The following DACH1 variants were observed in gnomAD, a reference collection of about 807,000 sequenced individuals.
DACH1 encodes dachshund homolog 1.
DACH1 carries 12 observed loss-of-function variants against 54.2 expected under a neutral mutation model. The ratio of observed to expected loss-of-function variants is 0.22; its 90% CI spans 0.14 to 0.36. The LOEUF (loss-of-function observed/expected upper bound fraction) is 0.36, where lower values mean the gene tolerates loss of function less well. Among genes scored for constraint, DACH1 ranks in the 10% least tolerant of loss-of-function variants. DACH1 has a pLI of 1.00. For synonymous variants in DACH1, 386 were observed against 366.2 expected (o/e 1.05, Z -0.62); for missense variants, 805 against 929.8 (o/e 0.87, Z 1.75).
At chr13:71,863,102 G>C (rs936115449) in intron 1 of DACH1, among the ~76,000 whole-genome samples, 1 of 152,012 alleles carries the variant, frequency 6.6e-6, no homozygotes, top group Non-Finnish European at 1.5e-5. Flanking sequence ...ATATAAACTT[G>C]ACTTGAATGA....
chr13:71,442,246 A>G (rs1418752417), intron 10 of DACH1, among the ~76,000 whole-genome samples: 3 of 152,032 alleles, frequency 2.0e-5, no homozygotes, highest in African/African-American at 7.2e-5. Context: ...CACAAATTTA[A>G]TGGTTTTAAT....
At chr13:71,448,142 A>T (rs1593708127) in intron 10 of DACH1, among the ~76,000 whole-genome samples, 1 of 152,160 alleles carries the variant, frequency 6.6e-6, no homozygotes, top group East Asian at 1.9e-4. Flanking sequence ...ATATCCAGGC[A>T]CCTGTAATCT....
chr13:71,453,036 G>A (rs1432900079), intron 10 of DACH1, among the ~76,000 whole-genome samples: 1 of 152,158 alleles, frequency 6.6e-6, no homozygotes. Context: ...GTATTTTTGT[G>A]TGTGTCTTCT....
At chr13:71,844,942 A>T (rs1394877545) in intron 1 of DACH1, among the ~76,000 whole-genome samples, 1 of 152,152 alleles carries the variant, frequency 6.6e-6, no homozygotes, top group Admixed American at 6.5e-5. Flanking sequence ...AGAACAGTGG[A>T]TACTAAAGGC....
chr13:71,816,114 C>G (rs1400871868), intron 1 of DACH1, among the ~76,000 whole-genome samples: 2 of 151,970 alleles, frequency 1.3e-5, no homozygotes, highest in Non-Finnish European at 2.9e-5. Context: ...ATAAAATAAG[C>G]TCAGATTAAC....
chr13:71,557,767 T>C (rs777426114), intron 5 of DACH1, among the ~76,000 whole-genome samples: 5 of 142,054 alleles, frequency 3.5e-5, no homozygotes, highest in African/African-American at 5.3e-5. Context: ...CAAACATCCA[T>C]AACCTAAGAC....
In DACH1 at chr13:71,506,212, T is replaced by C. The variant is rs541738155; in HGVS notation, c.1571-17064A>G. On this transcript the variant is annotated intron_variant, in intron 6 of 10. Coordinates refer to ENST00000613252, the MANE Select transcript of DACH1 (RefSeq NM_080759.6). ...CAGGTTAGTTACATATGTATACATG[T>C]GCCATGCTGGTGTGCTGAACCCACT... Among the ~76,000 whole-genome samples, 11 of 151,656 alleles carry C rather than the reference T, an allele frequency of 7.3e-5. No individual in the cohort carries two copies. The East Asian group carries it at 2.2e-3, about 30-fold the overall frequency.
At chr13:71,816,944 G>T (rs2138170029) in intron 1 of DACH1, among the ~76,000 whole-genome samples, 1 of 152,078 alleles carries the variant, frequency 6.6e-6, no homozygotes, top group Non-Finnish European at 1.5e-5. Context: ...GGATCAGGAA[G>T]AACAACTAAT....
chr13:71,785,804 T>A (rs1886567918), intron 1 of DACH1, among the ~76,000 whole-genome samples: 1 of 152,334 alleles, frequency 6.6e-6, no homozygotes, highest in Middle Eastern at 3.4e-3. Context: ...AACATGTTTT[T>A]CTCTCTTGCT....
In DACH1 at chr13:71,866,676, AGGT is replaced by A; in HGVS notation, c.91_93del (p.Thr31del). On this transcript the variant is annotated inframe_deletion, in exon 1 of 11. Transcript: ENST00000613252. ...GGAGACGAAGTCGCCGAAGAGGTGG[AGGT>A]GGTGGTGCCAGAGGAGGAAGCAGAC... 2 of 1,453,390 alleles carry A rather than the reference AGGT, an allele frequency of 1.4e-6. No homozygotes were observed. The highest frequency in any genetic ancestry group is 2.7e-5 in the East Asian group (1 of 37,086). The allele number at this position is 1,453,390 out of a possible 1,614,324, so 90.0% of individuals were successfully genotyped here. A position where few individuals can be genotyped will look rare whatever the true frequency, so the allele number is the denominator to read the frequency against.
At chr13:71,727,262 G>A (rs1008841245) in intron 1 of DACH1, among the ~76,000 whole-genome samples, 1 of 152,060 alleles carries the variant, frequency 6.6e-6, no homozygotes, top group African/African-American at 2.4e-5. Context: ...TATGAAAGGA[G>A]CACATTTCCC....
At chr13:71,758,622 C>A (rs948468499) in intron 1 of DACH1, among the ~76,000 whole-genome samples, 1 of 152,230 alleles carries the variant, frequency 6.6e-6, no homozygotes, top group Non-Finnish European at 1.5e-5. Flanking sequence ...TTGAAACGCA[C>A]CACTTAATCA....
chr13:71,826,306 C>T (rs1046738734), intron 1 of DACH1, among the ~76,000 whole-genome samples: 4 of 152,016 alleles, frequency 2.6e-5, no homozygotes, highest in African/African-American at 9.7e-5. Flanking sequence ...CAACAATAAA[C>T]AAATAAAAGA....
chr13:71,607,784 C>T lies in DACH1; in HGVS notation c.1126+22772G>A, dbSNP rs150663519. Among the ~76,000 whole-genome samples the T allele has an allele frequency of 6.2e-3, 942 of 152,042 alleles. 14 individuals carry two copies. The highest frequency in any genetic ancestry group is 0.021 in the African/African-American group (854 of 41,534). ...CTGGGACTTTGTGGAGTGTTTAAAA[C>T]GTGATAAATTGAAAGATACCAACAA... On this transcript the variant is annotated intron_variant, in intron 3 of 10. Transcript: ENST00000613252.
At chr13:71,658,336 G>C (rs756865576) in intron 2 of DACH1, among the ~76,000 whole-genome samples, 4 of 152,130 alleles carry the variant, frequency 2.6e-5, no homozygotes, top group Non-Finnish European at 5.9e-5. Flanking sequence ...GATCACCTAT[G>C]TTCAGGAGTT....
intron 1 of DACH1, among the ~76,000 whole-genome samples, chr13:71,816,648 ATATATATACACGTG>A (rs1422341033): frequency 3.7e-5 from 1 of 27,214 alleles, no homozygotes; most frequent in African/African-American, 7.9e-5. Context: ...ATATGTGTGT[ATATATATACACGTG>A]TATATATATA....
chr13:71,850,057 CA>C (rs1041452313), intron 1 of DACH1, among the ~76,000 whole-genome samples: 7 of 152,226 alleles, frequency 4.6e-5, no homozygotes, highest in African/African-American at 1.7e-4. Flanking sequence ...CATCTATGGA[CA>C]AAATACACAT....
At position 71,573,340 on chromosome 13, in the gene DACH1, A is replaced by G. The variant is rs1166583827; in HGVS notation, c.1127-328T>C. On this transcript the variant is annotated intron_variant, in intron 3 of 10. Transcript: ENST00000613252. ...CTATGTAAATATAGTATATCTCTTT[A>G]TTATGTCCTATTTTGCCAACTGATA... 3 of 688,612 alleles carry G rather than the reference A, an allele frequency of 4.4e-6. No individual in the cohort carries two copies. In the Admixed American group the frequency reaches 6.6e-5, roughly 15 times the overall value. The allele number at this position is 688,612 out of a possible 1,614,324, so 42.7% of individuals were successfully genotyped here. A position where few individuals can be genotyped will look rare whatever the true frequency, so the allele number is the denominator to read the frequency against.
Position 71,559,961 on chromosome 13 carries a change from C to A in DACH1, c.1300-6G>T. ...GGGCTATCAGGAACACGCTCCTGCA[C>A]CAGCAAGAGAGGGAAGGAGGGTAGA... On this transcript the variant is annotated splice_region_variant and splice_polypyrimidine_tract_variant and intron_variant, in intron 4 of 10. Transcript: ENST00000613252. The A allele has an allele frequency of 6.5e-7, 1 of 1,529,712 alleles. No individual in the cohort carries two copies. 94.8% of individuals were successfully genotyped at this position (1,529,712 alleles called of 1,614,324 possible).
Sources: gnomAD v4.1 joint callset for allele counts (sites outside exome capture counted in the v4.1 genomes callset) on GRCh38, gnomAD v4.1.1 for gene constraint, MANE v1.5 for transcripts, NCBI Gene and HGNC (gene_info 2026-07-23, HGNC 2026-07-21) for gene names.